Variants in DCAF5 observed in about 807,000 individuals in gnomAD.
DCAF5 encodes DDB1- and CUL4-associated factor 5.
In DCAF5, 9 loss-of-function variants were observed where a neutral mutation model predicts 80.7. The ratio of observed to expected loss-of-function variants is 0.11; its 90% confidence interval spans 0.07 to 0.19. The LOEUF is 0.19. Ranked by LOEUF, DCAF5 falls within the 10% of genes least tolerant of loss-of-function variation. The pLI, the probability that DCAF5 is intolerant of heterozygous loss-of-function variation, is 1.00. For synonymous variants in DCAF5, 433 were observed against 461.9 expected (o/e 0.94, Z 0.80); for missense variants, 842 against 1,205.7 (o/e 0.70, Z 4.47).
intron 1 of DCAF5, among the ~76,000 whole-genome samples, chr14:69,140,621 T>C (rs956949329): frequency 4.0e-5 from 6 of 151,840 alleles, no homozygotes; most frequent in Admixed American, 3.9e-4. Context: ...CAACAACCCA[T>C]AGGAAGACTG....
chr14:69,121,797 G>A (rs1441404477), intron 2 of DCAF5, among the ~76,000 whole-genome samples: 1 of 152,122 alleles, frequency 6.6e-6, no homozygotes, highest in Non-Finnish European at 1.5e-5. Context: ...TTTTCAAACA[G>A]GAGCCATCTG....
At chr14:69,064,332 C>T (rs28710350) in intron 7 of DCAF5, among the ~76,000 whole-genome samples, 6,286 of 152,202 alleles carry the variant, frequency 0.041, 424 homozygotes, top group African/African-American at 0.14. Flanking sequence ...TAACATCCTA[C>T]TTCTACCTCT....
intron 5 of DCAF5, among the ~76,000 whole-genome samples, chr14:69,114,316 T>A (rs2140049265): frequency 1.3e-5 from 2 of 152,260 alleles, no homozygotes; most frequent in South Asian, 4.1e-4. Flanking sequence ...GACCAAAAAC[T>A]GGAAACAAGA....
chr14:69,070,114 A>T (rs1031795205), intron 7 of DCAF5, among the ~76,000 whole-genome samples: 1 of 152,222 alleles, frequency 6.6e-6, no homozygotes, highest in Non-Finnish European at 1.5e-5. Context: ...CATTCCTAAC[A>T]ACTCTATCAC....
intron 1 of DCAF5, among the ~76,000 whole-genome samples, chr14:69,143,093 G>C (rs758542198): frequency 6.6e-6 from 1 of 152,176 alleles, no homozygotes; most frequent in Non-Finnish European, 1.5e-5. Context: ...TGCTTGAGAA[G>C]TAAGTACTGT....
At position 69,055,300 on chromosome 14, in the gene DCAF5, C is replaced by CGAA. The variant is rs1333488204; in HGVS notation, c.1383_1385dup (p.Ser462dup). The stretch of plus-strand genomic sequence containing the variant: ...GAGGCGGGGAGCGAGGCAATGAGGC[C>CGAA]GAAGACTCTGAGTCAGTGTAGCCTG... On this transcript the variant is annotated inframe_insertion, in exon 9 of 9. Transcript: ENST00000341516. This position sits in a 1 kb window ranked among gnomAD's most constrained non-coding sequence, Gnocchi z 5.6. The CGAA allele has an allele frequency of 6.2e-7, 1 of 1,614,028 alleles. No individual in the cohort carries two copies. The highest frequency in any genetic ancestry group is 8.5e-7 in the Non-Finnish European group (1 of 1,180,046).
At position 69,053,800 on chromosome 14, in the gene DCAF5, A is replaced by C; in HGVS notation, c.*57T>G. ...TTCCTTTCCTCTGTATTCACTAAACAATTTTTTTTTTTTTGTAAGGCTACT... is the reference window on the plus strand; with the variant it reads ...TTCCTTTCCTCTGTATTCACTAAACCATTTTTTTTTTTTTGTAAGGCTACT... On this transcript the variant is annotated 3_prime_UTR_variant, in exon 9 of 9. Coordinates refer to ENST00000341516, the MANE Select transcript of DCAF5 (RefSeq NM_003861.3). 7.0e-7 allele frequency: 1 copy of C among 1,430,084 alleles called. No individual in the cohort carries two copies. The highest frequency in any genetic ancestry group is 1.4e-5 in the South Asian group (1 of 73,156). 88.6% of individuals were successfully genotyped at this position (1,430,084 alleles called of 1,614,324 possible). A position where few individuals can be genotyped will look rare whatever the true frequency, so the allele number is the denominator to read the frequency against.
At chr14:69,148,596 G>T (rs900512860) in intron 1 of DCAF5, among the ~76,000 whole-genome samples, 6 of 152,138 alleles carry the variant, frequency 3.9e-5, no homozygotes, top group Non-Finnish European at 7.3e-5. Context: ...TCAGGAGGCT[G>T]AGGCAGGAGA....
chr14:69,107,007 AT>A (rs1247179936), intron 5 of DCAF5, among the ~76,000 whole-genome samples: 1 of 152,204 alleles, frequency 6.6e-6, no homozygotes, highest in Non-Finnish European at 1.5e-5. Context: ...GCACCACTGC[AT>A]TCCAGCCTGG....
At chr14:69,111,155 G>A (rs1196026873) in intron 5 of DCAF5, among the ~76,000 whole-genome samples, 1 of 152,136 alleles carries the variant, frequency 6.6e-6, no homozygotes, top group Admixed American at 6.6e-5. Context: ...TCCTATAATG[G>A]TATGAGCAAC....
chr14:69,059,602 G>A (rs1470099747), intron 8 of DCAF5, among the ~76,000 whole-genome samples: 2 of 152,206 alleles, frequency 1.3e-5, no homozygotes, highest in African/African-American at 4.8e-5. Flanking sequence ...TAAGTGCAGG[G>A]TGAGGCAGTA....
At chr14:69,103,695 A>ATAGCTTCATG (rs2040041056) in intron 5 of DCAF5, among the ~76,000 whole-genome samples, 1 of 152,256 alleles carries the variant, frequency 6.6e-6, no homozygotes, top group Non-Finnish European at 1.5e-5. Flanking sequence ...TACATCATGC[A>ATAGCTTCATG]TAGCTTCATG....
intron 7 of DCAF5, among the ~76,000 whole-genome samples, chr14:69,072,108 A>G (rs1445891869): frequency 1.3e-5 from 2 of 152,168 alleles, no homozygotes; most frequent in African/African-American, 4.8e-5. Flanking sequence ...CCATTTCCCT[A>G]TTTGGCTTTT....
chr14:69,055,208 G>A lies in DCAF5; in HGVS notation c.1478C>T (p.Thr493Ile). Residue 493 changes from threonine to isoleucine, a missense_variant, in exon 9 of 9, where the codon ACA becomes ATA. By Grantham distance (89) the Thr-to-Ile change is moderately conservative (BLOSUM62 -1). This residue lies in a region of DCAF5 where 607 missense variants were observed against 656.6 expected (regional missense o/e 0.92). Transcript: ENST00000341516. The surrounding 1 kb of genome is among the most constrained non-coding windows in gnomAD (Gnocchi z 5.6). ...LGPLRVTTTN[T>I]VASTPPTPTC... Reference sequence around the variant, plus strand: ...GGGTGTTGGTGGAGTTGAGGCTACTGTGTTTGTGGTGGTGACCCGCAGGGG... The same window carrying A: ...GGGTGTTGGTGGAGTTGAGGCTACTATGTTTGTGGTGGTGACCCGCAGGGG... 1 of 1,614,250 alleles carries A rather than the reference G, an allele frequency of 6.2e-7. No individual in the cohort carries two copies. The highest frequency in any genetic ancestry group is 8.5e-7 in the Non-Finnish European group (1 of 1,180,054).
chr14:69,061,843 C>T (rs1399087181), intron 8 of DCAF5, among the ~76,000 whole-genome samples: 1 of 152,104 alleles, frequency 6.6e-6, no homozygotes, highest in African/African-American at 2.4e-5. Flanking sequence ...GTTTCAAAGC[C>T]TAGTGATTAG....
intron 1 of DCAF5, among the ~76,000 whole-genome samples, chr14:69,123,900 A>G (rs1279014355): frequency 6.6e-6 from 1 of 152,024 alleles, no homozygotes; most frequent in Non-Finnish European, 1.5e-5. Flanking sequence ...GGGTTTCACT[A>G]TGTTGGCCAG....
chr14:69,095,679 T>G (rs995445280), intron 5 of DCAF5, among the ~76,000 whole-genome samples: 3 of 152,148 alleles, frequency 2.0e-5, no homozygotes, highest in African/African-American at 7.2e-5. Context: ...CAAGGCTGTT[T>G]CCAGGGAAAG....
chr14:69,078,100 A>C (rs2038968258), intron 6 of DCAF5, among the ~76,000 whole-genome samples: 1 of 152,194 alleles, frequency 6.6e-6, no homozygotes, highest in Admixed American at 6.5e-5. Flanking sequence ...CACTCCACAA[A>C]CATGCTCAAG....
intron 5 of DCAF5, among the ~76,000 whole-genome samples, chr14:69,097,510 A>T (rs186367654): frequency 6.6e-6 from 1 of 151,452 alleles, no homozygotes; most frequent in African/African-American, 2.4e-5. Flanking sequence ...TTTCTATTCT[A>T]TATTTTTTAT....
Sources: allele counts gnomAD v4.1 joint callset (sites outside exome capture counted in the v4.1 genomes callset), GRCh38; gene constraint gnomAD v4.1.1; regional missense constraint gnomAD v4.1.1; non-coding constraint Gnocchi (gnomAD v3.1); transcripts MANE v1.5; gene names NCBI Gene and HGNC (gene_info 2026-07-23, HGNC 2026-07-21).